The following CFAP299 variants were observed in gnomAD, a reference collection of about 807,000 sequenced individuals.
The protein encoded by CFAP299 is cilia and flagella associated protein 299.
A neutral mutation model predicts 27.0 loss-of-function variants in CFAP299; 21 were observed. That is an observed-to-expected ratio of 0.78 (90% CI 0.55 to 1.12). The LOEUF is 1.12. Among genes scored for constraint, CFAP299 ranks in the 50% most tolerant of loss-of-function variants. The pLI, the probability that CFAP299 is intolerant of heterozygous loss-of-function variation, is 0.00. For synonymous variants in CFAP299, 104 were observed against 98.1 expected (o/e 1.06, Z -0.36); for missense variants, 310 against 276.6 (o/e 1.12, Z -0.86).
At chr4:80,499,975 T>TG (rs112938302) in intron 2 of CFAP299, among the ~76,000 whole-genome samples, 23,555 of 152,060 alleles carry the variant, frequency 0.15, 2,723 homozygotes, top group African/African-American at 0.33. Flanking sequence ...TTCATTTTTT[T>TG]TTTGTTTGTT....
intron 3 of CFAP299, among the ~76,000 whole-genome samples, chr4:80,737,177 G>C (rs181386240): frequency 1.8e-4 from 25 of 140,636 alleles, no homozygotes; most frequent in Non-Finnish European, 3.0e-4. Flanking sequence ...TTGGGGGGAG[G>C]GGGGAGGGAT....
At chr4:80,674,481 A>G (rs1460861943) in intron 3 of CFAP299, among the ~76,000 whole-genome samples, 2 of 152,100 alleles carry the variant, frequency 1.3e-5, no homozygotes, top group African/African-American at 4.8e-5. Context: ...AACCTTGATG[A>G]ATCTGACAAT....
chr4:80,765,507 T>G (rs1725806605), intron 3 of CFAP299, among the ~76,000 whole-genome samples: 2 of 151,980 alleles, frequency 1.3e-5, no homozygotes, highest in Admixed American at 6.6e-5. Context: ...TTTCAAAAAC[T>G]TAACAAAATT....
At chr4:80,373,776 T>C (rs1219943885) in intron 2 of CFAP299, among the ~76,000 whole-genome samples, 1 of 152,198 alleles carries the variant, frequency 6.6e-6, no homozygotes, top group Non-Finnish European at 1.5e-5. Context: ...ATGCCCATTG[T>C]GCTTAGGGTA....
intron 3 of CFAP299, among the ~76,000 whole-genome samples, chr4:80,631,646 A>C (rs1490487064): frequency 6.6e-6 from 1 of 152,166 alleles, no homozygotes; most frequent in Non-Finnish European, 1.5e-5. Flanking sequence ...TACTGTCATA[A>C]ATCCATTTGT....
intron 2 of CFAP299, among the ~76,000 whole-genome samples, chr4:80,450,776 A>G (rs1054783928): frequency 2.0e-5 from 3 of 152,112 alleles, no homozygotes; most frequent in African/African-American, 7.2e-5. Flanking sequence ...AGTTGTTAAA[A>G]TATTATTTTC....
intron 3 of CFAP299, among the ~76,000 whole-genome samples, chr4:80,771,645 C>T (rs956830557): frequency 2.0e-5 from 3 of 152,138 alleles, no homozygotes; most frequent in Admixed American, 1.3e-4. Flanking sequence ...GATGTGATGG[C>T]CCCTAGGTAG....
intron 3 of CFAP299, among the ~76,000 whole-genome samples, chr4:80,736,235 A>G (rs796412928): frequency 3.3e-5 from 5 of 152,190 alleles, no homozygotes; most frequent in African/African-American, 1.2e-4. Flanking sequence ...TAAGTCTTTA[A>G]TCCATCTTGA....
intron 4 of CFAP299, chr4:80,871,297 C>T (rs376437793): frequency 9.1e-6 from 9 of 985,294 alleles, no homozygotes; most frequent in Non-Finnish European, 1.1e-5. Context: ...GCCCATTGCC[C>T]ATGTCTTTTT....
intron 4 of CFAP299, among the ~76,000 whole-genome samples, chr4:80,917,105 T>C (rs1735805355): frequency 6.6e-6 from 1 of 152,078 alleles, no homozygotes; most frequent in Non-Finnish European, 1.5e-5. Flanking sequence ...CAGAGATTGC[T>C]CCAAAATTTC....
chr4:80,505,166 G>A (rs77866620), intron 2 of CFAP299, among the ~76,000 whole-genome samples: 5,528 of 151,344 alleles, frequency 0.037, 351 homozygotes, highest in African/African-American at 0.12. Context: ...TATAAAATAG[G>A]GGGGATGAAC....
intron 3 of CFAP299, among the ~76,000 whole-genome samples, chr4:80,738,046 C>A (rs1724019226): frequency 6.6e-6 from 1 of 151,898 alleles, no homozygotes; most frequent in African/African-American, 2.4e-5. Context: ...TTCAAAATTC[C>A]ACTTGTTATT....
At chr4:80,919,431 A>G (rs1735929279) in intron 4 of CFAP299, among the ~76,000 whole-genome samples, 1 of 152,190 alleles carries the variant, frequency 6.6e-6, no homozygotes. Context: ...TCATCTGCAC[A>G]TTATAATTCA....
chr4:80,951,343 T>A (rs1230378878), intron 5 of CFAP299, among the ~76,000 whole-genome samples: 1 of 152,220 alleles, frequency 6.6e-6, no homozygotes, highest in Non-Finnish European at 1.5e-5. Flanking sequence ...GGAAGGCATG[T>A]GCAATGTAGA....
intron 2 of CFAP299, among the ~76,000 whole-genome samples, chr4:80,396,368 A>G (rs1469467947): frequency 6.6e-6 from 1 of 152,102 alleles, no homozygotes; most frequent in Non-Finnish European, 1.5e-5. Context: ...GCAAACACCC[A>G]TGTTTGCCTC....
intron 3 of CFAP299, among the ~76,000 whole-genome samples, chr4:80,767,535 G>A (rs1327880604): frequency 1.3e-5 from 2 of 152,174 alleles, no homozygotes; most frequent in Non-Finnish European, 2.9e-5. Context: ...CGTGAACCCA[G>A]GAGGCGGAGC....
At chr4:80,547,498 A>G (rs572690632) in intron 2 of CFAP299, among the ~76,000 whole-genome samples, 1 of 152,286 alleles carries the variant, frequency 6.6e-6, no homozygotes, top group East Asian at 1.9e-4. Flanking sequence ...CTCAAAAGCA[A>G]TTGCAGTAAA....
At chr4:80,716,853 G>A (rs1159554417) in intron 3 of CFAP299, among the ~76,000 whole-genome samples, 5 of 152,024 alleles carry the variant, frequency 3.3e-5, no homozygotes, top group African/African-American at 1.2e-4. Context: ...GATGGTCTGT[G>A]GTGATTGTCA....
intron 2 of CFAP299, among the ~76,000 whole-genome samples, chr4:80,435,679 G>A (rs758187569): frequency 1.3e-5 from 2 of 152,190 alleles, no homozygotes; most frequent in Non-Finnish European, 2.9e-5. Context: ...AAAGGGCTTT[G>A]AATTAGAGAC....
Sources: allele counts gnomAD v4.1 joint callset (sites outside exome capture counted in the v4.1 genomes callset), GRCh38; gene constraint gnomAD v4.1.1; transcripts MANE v1.5; gene names NCBI Gene and HGNC (gene_info 2026-07-23, HGNC 2026-07-21).